Variants in NUMBL observed in about 807,000 individuals in gnomAD.
NUMBL encodes NUMB like endocytic adaptor protein.
Under a neutral mutation model 48.9 loss-of-function variants are expected in NUMBL, and 20 were observed. The ratio of observed to expected loss-of-function variants is 0.41; its 90% confidence interval spans 0.29 to 0.59. NUMBL has a LOEUF of 0.59. NUMBL is among the 20% of genes least tolerant of loss of function. The pLI is 0.31. For missense variants in NUMBL, 660 were observed against 846.2 expected (o/e 0.78, Z 2.73); for synonymous variants, 340 against 348.7 (o/e 0.98, Z 0.28).
rs1046704528 is a variant in NUMBL at position 40,684,370 on chromosome 19, C to T, written c.249+47G>A. 15 of 1,525,722 alleles carry T rather than the reference C, an allele frequency of 9.8e-6. No homozygotes were observed. The African/African-American group carries it at 1.4e-4, about 14-fold the overall frequency. 94.5% of individuals were successfully genotyped at this position (1,525,722 alleles called of 1,614,324 possible). ...CGCGCACCCGCACAGCACAGCACAG[C>T]GGCCCCCGTCCCCCTCGCCCCGCCG... On this transcript the variant is annotated intron_variant, in intron 3 of 9. Coordinates refer to ENST00000252891, the MANE Select transcript of NUMBL (RefSeq NM_004756.5).
chr19:40,687,076 C>T lies in NUMBL; in HGVS notation c.25-81G>A, dbSNP rs140555384. 2.1e-4 allele frequency: 172 copies of T among 824,238 alleles called. 1 individual carries two copies. The African/African-American group carries it at 2.3e-3, about 11-fold the overall frequency. 51.1% of individuals were successfully genotyped at this position (824,238 alleles called of 1,614,324 possible). ...GATACTTCACCCCGACTTTGGACTT[C>T]GGCCAGCCCCCTCCATCTTGGGCTC... On this transcript the variant is annotated intron_variant, in intron 1 of 9. Coordinates refer to ENST00000252891, the MANE Select transcript of NUMBL (RefSeq NM_004756.5). This position sits in a 1 kb window ranked among gnomAD's most constrained non-coding sequence, Gnocchi z 4.6.
In NUMBL at chr19:40,684,550, GC is replaced by G. The variant is rs1162709573; in HGVS notation, c.115del (p.Ala39ArgfsTer4). The G allele has an allele frequency of 2.5e-6, 4 of 1,606,818 alleles. No homozygotes were observed. The highest frequency in any genetic ancestry group is 3.4e-6 in the Non-Finnish European group (4 of 1,175,842). ...PETCRTEPDG[A>X]GTMNKLRQSL... is the part of the protein sequence containing the mutation. ...CTGCCGTAACTTGTTCATGGTGCCC[GC>G]CCCGTCTGGTGACACAGGACAGTGA... On this transcript the variant is annotated frameshift_variant, in exon 3 of 10. Transcript: ENST00000252891. LOFTEE classifies it high-confidence loss of function.
At chr19:40,676,691 C>CAAA (rs550390367) in intron 7 of NUMBL, among the ~76,000 whole-genome samples, 4 of 82,886 alleles carry the variant, frequency 4.8e-5, no homozygotes, top group Admixed American at 3.6e-4. Flanking sequence ...GACTCCGTCT[C>CAAA]AAAAAAAAAA....
At chr19:40,681,339 C>T (rs2081904305) in intron 5 of NUMBL, among the ~76,000 whole-genome samples, 1 of 152,168 alleles carries the variant, frequency 6.6e-6, no homozygotes, top group Non-Finnish European at 1.5e-5. Flanking sequence ...GGGTCAGGGC[C>T]AGCATGGCAG....
intron 9 of NUMBL, among the ~76,000 whole-genome samples, chr19:40,669,408 C>T (rs2081833991): frequency 6.6e-6 from 1 of 151,876 alleles, no homozygotes; most frequent in Admixed American, 6.6e-5. Context: ...TAGGATAATC[C>T]CCTGGCTCTA....
chr19:40,669,747 G>A (rs990318089), intron 9 of NUMBL, 151 bp downstream of exon 9: 5 of 953,058 alleles, frequency 5.2e-6, no homozygotes, highest in Non-Finnish European at 7.5e-6. Context: ...GATGATCCAT[G>A]GTTGTAGGAT....
At chr19:40,668,333 G>C (rs186573041) in intron 9 of NUMBL, among the ~76,000 whole-genome samples, 195 bp from the exon 10 acceptor site, 2 of 152,298 alleles carry the variant, frequency 1.3e-5, no homozygotes, top group African/African-American at 4.8e-5. Flanking sequence ...CCACGTAATG[G>C]TTCTGGAGTG....
chr19:40,690,270 G>A, intron 1 of NUMBL, 190 bp downstream of exon 1: 1 of 374,672 alleles, frequency 2.7e-6, no homozygotes, highest in Non-Finnish European at 4.7e-6. Flanking sequence ...GATGGCCCAG[G>A]GGTCTGTGCC....
intron 8 of NUMBL, among the ~76,000 whole-genome samples, chr19:40,670,891 T>C (rs1005586767): frequency 1.3e-5 from 2 of 152,224 alleles, no homozygotes; most frequent in African/African-American, 4.8e-5. Context: ...TGCATGGATC[T>C]GCACATGTGG....
chr19:40,680,881 G>T, intron 6 of NUMBL, 36 bp downstream of exon 6: 5 of 1,612,814 alleles, frequency 3.1e-6, no homozygotes, highest in Non-Finnish European at 4.2e-6. Flanking sequence ...GCCAGGGCAT[G>T]GGAGGGAAGA....
chr19:40,678,984 G>T (rs1599908665), intron 6 of NUMBL, among the ~76,000 whole-genome samples: 1 of 151,900 alleles, frequency 6.6e-6, no homozygotes, highest in Non-Finnish European at 1.5e-5. Flanking sequence ...CCAGCTACTA[G>T]GGAGGCTGTG....
intron 7 of NUMBL, among the ~76,000 whole-genome samples, chr19:40,675,614 C>G (rs1275379463): frequency 2.9e-5 from 4 of 138,222 alleles, no homozygotes; most frequent in African/African-American, 8.1e-5. Context: ...CACACACACA[C>G]AGAGTTTTAG....
rs1400398106 is a variant in NUMBL at position 40,682,913 on chromosome 19, G to A, written c.305C>T (p.Ala102Val). The change falls in exon 4 of 10, where the codon GCG becomes GTG. Residue 102 changes from alanine to valine, a missense_variant. Physicochemically the swap from Ala to Val is moderately conservative, Grantham distance 64. This residue lies in a region of NUMBL where 278 missense variants were observed against 420.6 expected (regional missense o/e 0.66). Coordinates refer to ENST00000252891, the MANE Select transcript of NUMBL (RefSeq NM_004756.5). The surrounding 1 kb of genome is among the most constrained non-coding windows in gnomAD (Gnocchi z 4.0). ...ACTCACCGCCTTCAGCTTCTTCACC[G>A]CATCTTCACACACGTGCATTCCCCG... Reference protein sequence around the residue: ...ESRGMHVCEDAVKKLKAMGRK... With the variant: ...ESRGMHVCEDVVKKLKAMGRK... The A allele has an allele frequency of 1.9e-6, 3 of 1,613,072 alleles. No individual in the cohort carries two copies. The highest frequency in any genetic ancestry group is 2.5e-6 in the Non-Finnish European group (3 of 1,179,734).
rs773110588 is a variant in NUMBL, at chr19:40,673,565, C to G, written c.815G>C (p.Gly272Ala). The change falls in exon 8 of 10, where the codon GGT (glycine) becomes GCT (alanine). Residue 272 changes from glycine to alanine, a missense_variant. Around this residue, in one of 3 missense-constraint regions of NUMBL, gnomAD observed 278 missense variants for 420.6 expected, o/e 0.66. Coordinates refer to ENST00000252891, the MANE Select transcript of NUMBL (RefSeq NM_004756.5). This position sits in a 1 kb window ranked among gnomAD's most constrained non-coding sequence, Gnocchi z 5.9. ...AGGGGTGCCTGCCTCACCCTTCTCACCAGGGGATGTGGTGGCTGGTGTCGG... is the reference window on the plus strand; with the variant it reads ...AGGGGTGCCTGCCTCACCCTTCTCAGCAGGGGATGTGGTGGCTGGTGTCGG... ...VSPTPATTSP[G>A]EKGEAGTPVA... The G allele has an allele frequency of 1.3e-6, 2 of 1,548,980 alleles. No individual in the cohort carries two copies. The highest frequency in any genetic ancestry group is 1.7e-6 in the Non-Finnish European group (2 of 1,145,122).
At chr19:40,672,079 C>A (rs937970998) in intron 8 of NUMBL, among the ~76,000 whole-genome samples, 1 of 152,122 alleles carries the variant, frequency 6.6e-6, no homozygotes, top group Non-Finnish European at 1.5e-5. Flanking sequence ...GCCAAGTGAT[C>A]TGCCTCAAGG....
Position 40,681,002 on chromosome 19 carries a change from T to C in NUMBL, c.455A>G (p.Asn152Ser). ...EKVSFCAPDR[N>S]LDKAFSYICR... is the part of the protein sequence containing the mutation. ...GATATAGGAGAAAGCCTTGTCCAGGTTGCGGTCAGGAGCACAAAAGGAGAC... is the reference window on the plus strand; with the variant it reads ...GATATAGGAGAAAGCCTTGTCCAGGCTGCGGTCAGGAGCACAAAAGGAGAC... The change falls in exon 6 of 10, where the codon AAC becomes AGC. Residue 152 changes from asparagine to serine, a missense_variant. By Grantham distance (46) the Asn-to-Ser change is conservative. This residue lies in a region of NUMBL where 278 missense variants were observed against 420.6 expected (regional missense o/e 0.66). Coordinates refer to ENST00000252891, the MANE Select transcript of NUMBL (RefSeq NM_004756.5). 21 of 1,614,142 alleles carry C rather than the reference T, an allele frequency of 1.3e-5. No homozygotes were observed. Among genetic ancestry groups the C allele is most frequent in the Non-Finnish European group, 1.7e-5 (20 of 1,180,022 alleles).
intron 8 of NUMBL, among the ~76,000 whole-genome samples, chr19:40,672,901 C>CA (rs2081855546): frequency 6.6e-6 from 1 of 152,134 alleles, no homozygotes; most frequent in African/African-American, 2.4e-5. Flanking sequence ...AGGGAGGGAG[C>CA]ATTAACCTGT....
chr19:40,683,481 C>T (rs867550860), intron 3 of NUMBL, among the ~76,000 whole-genome samples: 25 of 152,316 alleles, frequency 1.6e-4, no homozygotes, highest in Middle Eastern at 3.4e-3. Flanking sequence ...CCTTACTTTC[C>T]TCACTCCCAA....
At chr19:40,675,213 C>A (rs1378584920) in intron 7 of NUMBL, among the ~76,000 whole-genome samples, 1 of 147,814 alleles carries the variant, frequency 6.8e-6, no homozygotes, top group Non-Finnish European at 1.5e-5. Flanking sequence ...CCCAGCTACT[C>A]AGGAGGCTGA....
Sources: gnomAD v4.1 joint callset for allele counts (sites outside exome capture counted in the v4.1 genomes callset) on GRCh38, gnomAD v4.1.1 for gene constraint, gnomAD v4.1.1 regional missense constraint, Gnocchi (gnomAD v3.1) non-coding constraint, MANE v1.5 for transcripts, NCBI Gene and HGNC (gene_info 2026-07-23, HGNC 2026-07-21) for gene names.